Variants in ANK3 observed in about 807,000 individuals in gnomAD.
ANK3 encodes the protein ankyrin-3.
ANK3 carries 57 observed loss-of-function variants against 370.9 expected under a neutral mutation model. That is an observed-to-expected ratio of 0.15 (90% confidence interval 0.12 to 0.19). The LOEUF (loss-of-function observed/expected upper bound fraction) is 0.19, where lower values mean the gene tolerates loss of function less well. Among genes scored for constraint, ANK3 ranks in the 10% least tolerant of loss-of-function variants. The probability of loss-of-function intolerance (pLI) is 1.00; values close to 1 mark genes in which losing one functional copy is unlikely to be tolerated. For missense variants in ANK3, 4,439 were observed against 5,302.1 expected, an observed-to-expected ratio of 0.84 and a Z score of 5.06; for synonymous variants, 1,929 against 1,946.3, an observed-to-expected ratio of 0.99 and a Z score of 0.23.
chr10:60,208,824 A>G (rs2096803084), intron 9 of ANK3, among the ~76,000 whole-genome samples: 1 of 152,212 alleles, frequency 6.6e-6, no homozygotes, highest in African/African-American at 2.4e-5. Context: ...TTCATCTCAC[A>G]TCAAAGAAGA....
intron 2 of ANK3, chr10:60,508,441 GA>G (rs2075995197): frequency 6.6e-6 from 1 of 152,638 alleles, no homozygotes; most frequent in African/African-American, 2.4e-5. Flanking sequence ...TTGATATCAC[GA>G]GCTATGTTTA....
At position 60,310,579 on chromosome 10, in the gene ANK3, G is replaced by A. The variant is rs190172261; in HGVS notation, c.115-30940C>T. 1.9e-3 allele frequency among the ~76,000 whole-genome samples: 284 copies of A among 152,304 alleles called. 1 individual carries two copies. Among genetic ancestry groups the A allele is most frequent in the Non-Finnish European group, 2.5e-3 (169 of 68,014 alleles). On this transcript the variant is annotated intron_variant, in intron 1 of 43. Coordinates refer to ENST00000280772, the MANE Select transcript of ANK3 (RefSeq NM_020987.5). Reference sequence around the variant, plus strand: ...ACTAAAAATGCATGTATTAACAAAAGTTCAGGAGATAGGAAGAGAACAAAT... The same window carrying A: ...ACTAAAAATGCATGTATTAACAAAAATTCAGGAGATAGGAAGAGAACAAAT...
At chr10:60,331,929 T>G (rs2051433407) in intron 1 of ANK3, among the ~76,000 whole-genome samples, 1 of 152,084 alleles carries the variant, frequency 6.6e-6, no homozygotes, top group Non-Finnish European at 1.5e-5. Context: ...AGAAATTGAT[T>G]CTTTTCTCCC....
At chr10:60,049,789 G>A (rs1312066561) in intron 42 of ANK3, among the ~76,000 whole-genome samples, 1 of 152,074 alleles carries the variant, frequency 6.6e-6, no homozygotes, top group Non-Finnish European at 1.5e-5. Context: ...AGAATTCTAG[G>A]AGACCAAAGG....
chr10:60,590,926 G>A (rs565505511), intron 2 of ANK3, among the ~76,000 whole-genome samples: 4 of 152,098 alleles, frequency 2.6e-5, no homozygotes, highest in East Asian at 3.9e-4. Context: ...TGTTGAATAC[G>A]TGAATGCAGA....
chr10:60,471,537 C>A (rs10994367), intron 2 of ANK3, among the ~76,000 whole-genome samples: 57,494 of 151,800 alleles, frequency 0.38, 11,467 homozygotes, highest in Non-Finnish European at 0.45. Context: ...GAAGACAAAG[C>A]TGCAATGATG....
chr10:60,557,656 T>C (rs2077240221), intron 2 of ANK3, among the ~76,000 whole-genome samples: 1 of 152,138 alleles, frequency 6.6e-6, no homozygotes, highest in African/African-American at 2.4e-5. Flanking sequence ...ATATAATTAT[T>C]ACAATAGTAA....
chr10:60,702,222 C>T lies in ANK3; in HGVS notation c.57+31041G>A, dbSNP rs201367649. 1.1e-4 allele frequency among the ~76,000 whole-genome samples: 17 copies of T among 151,080 alleles called. No individual in the cohort carries two copies. The East Asian group carries it at 3.1e-3, about 28-fold the overall frequency. ...GTGAGGCTGCAAAAAGCTGTGATTTCGCCACTGCACTCCAGCCTGGGAAAT... is the reference window on the plus strand; with the variant it reads ...GTGAGGCTGCAAAAAGCTGTGATTTTGCCACTGCACTCCAGCCTGGGAAAT... On this transcript the variant is annotated intron_variant, in intron 1 of 43. Coordinates refer to the ANK3 transcript ENST00000373827.
At position 60,180,594 on chromosome 10, in the gene ANK3, C is replaced by CAAAAAAAAAAAAAAA. The variant is rs58386273; in HGVS notation, c.2184+720_2184+734dup. Reference sequence around the variant, plus strand: ...CTGGTAACAGAGTGAGACTCCGTCTCAAAAAAAAAAAAAAAAAAACCAAAA... The same window carrying CAAAAAAAAAAAAAAA: ...CTGGTAACAGAGTGAGACTCCGTCTCAAAAAAAAAAAAAAAAAAAAAAAAAAAAAAAAAACCAAAA... On this transcript the variant is annotated intron_variant, in intron 18 of 43. Coordinates refer to ENST00000280772, the MANE Select transcript of ANK3 (RefSeq NM_020987.5). Among the ~76,000 whole-genome samples, 11 of 63,412 alleles carry CAAAAAAAAAAAAAAA rather than the reference C, an allele frequency of 1.7e-4. 2 individuals are homozygous for CAAAAAAAAAAAAAAA. Among genetic ancestry groups the CAAAAAAAAAAAAAAA allele is most frequent in the Admixed American group, 2.2e-4 (1 of 4,524 alleles). The allele number at this position is 63,412 out of a possible 152,430, so 41.6% of individuals were successfully genotyped here.
chr10:60,432,013 A>G (rs980776314), intron 2 of ANK3, among the ~76,000 whole-genome samples: 3 of 152,212 alleles, frequency 2.0e-5, no homozygotes, highest in African/African-American at 7.2e-5. Context: ...CCAAACATTC[A>G]AAGAAGCCTA....
At chr10:60,695,761 G>C (rs1430869821) in intron 1 of ANK3, among the ~76,000 whole-genome samples, 1 of 152,178 alleles carries the variant, frequency 6.6e-6, no homozygotes, top group Non-Finnish European at 1.5e-5. Context: ...AGTGTGTAGA[G>C]GGAAATTTAT....
rs60343604 is a variant in ANK3 at position 60,709,275 on chromosome 10, A to ATATATCTATATC, written c.57+23976_57+23987dup. ...TCTCCAGAGAAACAGAACCAATAGG[A>ATATATCTATATC]TATATCTATATCTATATCTATATCT... On this transcript the variant is annotated intron_variant, in intron 1 of 43. Coordinates refer to the ANK3 transcript ENST00000373827. Among the ~76,000 whole-genome samples the ATATATCTATATC allele has an allele frequency of 4.8e-3, 687 of 143,626 alleles. 2 individuals carry two copies. The highest frequency in any genetic ancestry group is 6.4e-3 in the East Asian group (31 of 4,826). The allele number at this position is 143,626 out of a possible 152,430, so 94.2% of individuals were successfully genotyped here. A position where few individuals can be genotyped will look rare whatever the true frequency, so the allele number is the denominator to read the frequency against.
chr10:60,256,941 C>T (rs1458938074), intron 7 of ANK3, among the ~76,000 whole-genome samples: 1 of 152,134 alleles, frequency 6.6e-6, no homozygotes. Context: ...CATGTGAACA[C>T]GTATTTTTTG....
chr10:60,098,098 T>C (rs1489908109), intron 28 of ANK3, among the ~76,000 whole-genome samples: 2 of 152,186 alleles, frequency 1.3e-5, no homozygotes, highest in Non-Finnish European at 2.9e-5. Flanking sequence ...GAGCCATATG[T>C]TCCTCATCTA....
At chr10:60,482,713 C>G (rs1049369522) in intron 2 of ANK3, among the ~76,000 whole-genome samples, 1 of 152,122 alleles carries the variant, frequency 6.6e-6, no homozygotes, top group African/African-American at 2.4e-5. Flanking sequence ...TCTTGAACTC[C>G]TAGGCTCAAG....
chr10:60,136,340 A>G (rs1237633273), intron 24 of ANK3, among the ~76,000 whole-genome samples: 1 of 152,150 alleles, frequency 6.6e-6, no homozygotes, highest in African/African-American at 2.4e-5. Flanking sequence ...TTAAGTAACT[A>G]TAGGTGGCTA....
chr10:60,030,679 A>G (rs1255593998), intron 43 of ANK3, among the ~76,000 whole-genome samples: 2 of 152,086 alleles, frequency 1.3e-5, no homozygotes, highest in Non-Finnish European at 2.9e-5. Flanking sequence ...TCATTACCCT[A>G]TGCTTCTGAA....
chr10:60,312,137 G>T (rs1280725672), intron 1 of ANK3, among the ~76,000 whole-genome samples: 1 of 152,168 alleles, frequency 6.6e-6, no homozygotes, highest in Non-Finnish European at 1.5e-5. Flanking sequence ...GCTAAAGAAA[G>T]ATAAACATAT....
intron 2 of ANK3, chr10:60,572,656 C>G: frequency 6.9e-7 from 1 of 1,450,540 alleles, no homozygotes; most frequent in Non-Finnish European, 9.0e-7. Context: ...GCAAAGCAGC[C>G]GCTGCTTAAA....
Sources: allele counts gnomAD v4.1 joint callset (sites outside exome capture counted in the v4.1 genomes callset), GRCh38; gene constraint gnomAD v4.1.1; transcripts MANE v1.5; gene names NCBI Gene and HGNC (gene_info 2026-07-23, HGNC 2026-07-21).